CDH4: variants seen among roughly 807,000 people sequenced by gnomAD.
The protein encoded by CDH4 is cadherin-4.
A neutral mutation model predicts 86.0 loss-of-function variants in CDH4; 33 were observed. The observed-to-expected ratio is 0.38, with a 90% CI of 0.29 to 0.51. The LOEUF is 0.51. CDH4 is among the 20% of genes least tolerant of loss of function. The probability of loss-of-function intolerance (pLI) is 0.86; values close to 1 mark genes in which losing one functional copy is unlikely to be tolerated. For synonymous variants in CDH4, 555 were observed against 549.4 expected (o/e 1.01, Z -0.14); for missense variants, 1,114 against 1,307.4 (o/e 0.85, Z 2.28).
At chr20:61,875,064 C>T (rs946637149) in intron 7 of CDH4, among the ~76,000 whole-genome samples, 4 of 152,190 alleles carry the variant, frequency 2.6e-5, no homozygotes, top group Non-Finnish European at 2.9e-5. Context: ...GCTTTTGGGG[C>T]CGGGACTGGC....
At chr20:61,776,434 C>T (rs557223453) in intron 4 of CDH4, among the ~76,000 whole-genome samples, 7 of 152,206 alleles carry the variant, frequency 4.6e-5, no homozygotes, top group Non-Finnish European at 8.8e-5. Flanking sequence ...CCCAGGAAAC[C>T]ACCCCCAGCA....
intron 2 of CDH4, among the ~76,000 whole-genome samples, chr20:61,540,563 C>T (rs1041360249): frequency 2.6e-5 from 4 of 152,126 alleles, no homozygotes; most frequent in African/African-American, 4.8e-5. Flanking sequence ...GTGGGTTCCA[C>T]GTGCCATACG....
rs183021522 is a variant in CDH4 at position 61,328,142 on chromosome 20, G to T, written c.169+73205G>T. Among the ~76,000 whole-genome samples the T allele has an allele frequency of 4.2e-3, 645 of 152,206 alleles. 1 individual carries two copies. The highest frequency in any genetic ancestry group is 0.012 in the South Asian group (59 of 4,806). On this transcript the variant is annotated intron_variant, in intron 2 of 15. Coordinates refer to ENST00000614565, the MANE Select transcript of CDH4 (RefSeq NM_001794.5). Reference sequence around the variant, plus strand: ...GGTCTTTATTTATGTGAATTAGATAGAGTGGACTCAAATTACTCTCTAATA... The same window carrying T: ...GGTCTTTATTTATGTGAATTAGATATAGTGGACTCAAATTACTCTCTAATA...
intron 2 of CDH4, among the ~76,000 whole-genome samples, chr20:61,526,218 G>A (rs905270773): frequency 1.3e-5 from 2 of 151,916 alleles, no homozygotes; most frequent in Non-Finnish European, 2.9e-5. Context: ...GTCTGCCCAG[G>A]CAGAAGCAGG....
chr20:61,845,229 G>A (rs886262043), intron 5 of CDH4, among the ~76,000 whole-genome samples: 1 of 152,220 alleles, frequency 6.6e-6, no homozygotes, highest in Non-Finnish European at 1.5e-5. Context: ...CCCTTTCTCC[G>A]AAGCACAGCC....
intron 4 of CDH4, 116 bp from the exon 5 acceptor site, chr20:61,844,552 G>C: frequency 1.0e-6 from 1 of 953,616 alleles, no homozygotes; most frequent in Non-Finnish European, 1.6e-6. Flanking sequence ...GGTCCCCATT[G>C]TACCTGAAAA....
intron 2 of CDH4, among the ~76,000 whole-genome samples, chr20:61,486,037 G>A (rs776447123): frequency 1.6e-4 from 24 of 152,174 alleles, no homozygotes; most frequent in Non-Finnish European, 2.5e-4. Context: ...GCCATCTAAC[G>A]TGAGAGAAAT....
chr20:61,678,986 ACT>A (rs1254612582), intron 2 of CDH4, among the ~76,000 whole-genome samples: 1 of 152,032 alleles, frequency 6.6e-6, no homozygotes, highest in Non-Finnish European at 1.5e-5. Context: ...TATGAAAATG[ACT>A]CAGGTTTTCT....
At chr20:61,533,319 C>T (rs983765981) in intron 2 of CDH4, among the ~76,000 whole-genome samples, 2 of 152,164 alleles carry the variant, frequency 1.3e-5, no homozygotes, top group African/African-American at 4.8e-5. Flanking sequence ...AAGGATCGGA[C>T]ACCCAGGACT....
chr20:61,327,214 G>A (rs2084541616), intron 2 of CDH4, among the ~76,000 whole-genome samples: 1 of 152,104 alleles, frequency 6.6e-6, no homozygotes, highest in African/African-American at 2.4e-5. Context: ...GATATGTGTG[G>A]CTATATAAAA....
At chr20:61,397,629 A>C (rs984964513) in intron 2 of CDH4, among the ~76,000 whole-genome samples, 4 of 152,122 alleles carry the variant, frequency 2.6e-5, no homozygotes, top group Non-Finnish European at 5.9e-5. Flanking sequence ...ATCACATTGC[A>C]TTGTATTTTC....
intron 2 of CDH4, among the ~76,000 whole-genome samples, chr20:61,309,843 A>G (rs2123220635): frequency 6.6e-6 from 1 of 152,310 alleles, no homozygotes; most frequent in Admixed American, 6.5e-5. Context: ...GTTTCGTCCT[A>G]TTGAATGCAT....
At chr20:61,705,556 G>A (rs997612799) in intron 2 of CDH4, among the ~76,000 whole-genome samples, 8 of 152,158 alleles carry the variant, frequency 5.3e-5, no homozygotes, top group Admixed American at 3.9e-4. Flanking sequence ...AGCAGCAGCT[G>A]GTCCGTTCCT....
chr20:61,318,428 G>T (rs1341022373), intron 2 of CDH4, among the ~76,000 whole-genome samples: 2 of 152,058 alleles, frequency 1.3e-5, no homozygotes, highest in African/African-American at 4.8e-5. Flanking sequence ...ACAATGATTT[G>T]AACTGACGTT....
chr20:61,496,281 A>G (rs2085661911), intron 2 of CDH4, among the ~76,000 whole-genome samples: 1 of 152,082 alleles, frequency 6.6e-6, no homozygotes, highest in South Asian at 2.1e-4. Context: ...GTGTGCCTGT[A>G]TTCCCAGGTA....
At chr20:61,521,242 CG>C (rs533357898) in intron 2 of CDH4, among the ~76,000 whole-genome samples, 116 of 152,294 alleles carry the variant, frequency 7.6e-4, no homozygotes, top group African/African-American at 2.6e-3. Flanking sequence ...CCATTGGGAG[CG>C]GGTCTGTGCT....
intron 2 of CDH4, among the ~76,000 whole-genome samples, chr20:61,593,434 C>T (rs1428418800): frequency 3.9e-5 from 6 of 152,252 alleles, no homozygotes; most frequent in Admixed American, 3.9e-4. Flanking sequence ...AGCCTGCTTT[C>T]CAGCATGGCT....
At chr20:61,285,085 G>A (rs866693047) in intron 2 of CDH4, among the ~76,000 whole-genome samples, 1 of 123,190 alleles carries the variant, frequency 8.1e-6, no homozygotes, top group African/African-American at 3.4e-5. Context: ...TTTTTTTTTT[G>A]TTTGTTTGTT....
chr20:61,745,404 G>A (rs765002045), intron 3 of CDH4, among the ~76,000 whole-genome samples: 2 of 152,214 alleles, frequency 1.3e-5, no homozygotes, highest in African/African-American at 2.4e-5. Context: ...AAGCGGAGAT[G>A]GAAGCGGAGG....
Sources: gnomAD v4.1 joint callset for allele counts (sites outside exome capture counted in the v4.1 genomes callset) on GRCh38, gnomAD v4.1.1 for gene constraint, MANE v1.5 for transcripts, NCBI Gene and HGNC (gene_info 2026-07-23, HGNC 2026-07-21) for gene names.